GAS2L3: variants seen among roughly 807,000 people sequenced by gnomAD.
The protein encoded by GAS2L3 is growth arrest specific 2 like 3, also known as GAS2-like protein 3.
A neutral mutation model predicts 37.0 loss-of-function variants in GAS2L3; 28 were observed. That is an observed-to-expected ratio of 0.76 (90% confidence interval 0.56 to 1.04). The LOEUF is 1.04. Among genes scored for constraint, GAS2L3 ranks in the 50% least tolerant of loss-of-function variants. The probability of loss-of-function intolerance (pLI) is 0.00; values close to 1 mark genes in which losing one functional copy is unlikely to be tolerated. For synonymous variants in GAS2L3, 290 were observed against 296.6 expected (o/e 0.98, Z 0.23); for missense variants, 793 against 817.6 (o/e 0.97, Z 0.37).
At chr12:100,613,857 G>A (rs1197355128) in intron 6 of GAS2L3, among the ~76,000 whole-genome samples, 5 of 151,876 alleles carry the variant, frequency 3.3e-5, no homozygotes, top group African/African-American at 1.2e-4. Flanking sequence ...GCCTCCCAAA[G>A]TGCTGGGATT....
chr12:100,621,881 G>GC (rs1227033976), intron 8 of GAS2L3, among the ~76,000 whole-genome samples: 3 of 128,944 alleles, frequency 2.3e-5, no homozygotes, highest in East Asian at 2.6e-4. Context: ...GGGTGGGGGG[G>GC]GGAGAGAGAG....
chr12:100,608,842 G>A (rs1475030723), intron 5 of GAS2L3, among the ~76,000 whole-genome samples: 2 of 152,244 alleles, frequency 1.3e-5, no homozygotes, highest in East Asian at 1.9e-4. Context: ...TTTACCTGAT[G>A]TTCTGTTTTA....
At position 100,586,907 on chromosome 12, in the gene GAS2L3, A is replaced by G. The variant is rs370086498; in HGVS notation, c.-151-4829A>G. Among the ~76,000 whole-genome samples, 45 of 152,290 alleles carry G rather than the reference A, an allele frequency of 3.0e-4. 1 individual carries two copies. The highest frequency in any genetic ancestry group is 1.0e-3 in the African/African-American group (43 of 41,578). On this transcript the variant is annotated intron_variant, in intron 1 of 9. Transcript: ENST00000547754. Reference sequence around the variant, plus strand: ...AAAACAGGAGATATTACAACTGACAACACTGAAATATAAAAGATCATTCAA... The same window carrying G: ...AAAACAGGAGATATTACAACTGACAGCACTGAAATATAAAAGATCATTCAA...
chr12:100,597,668 T>G (rs1955930828), intron 3 of GAS2L3, among the ~76,000 whole-genome samples: 1 of 152,034 alleles, frequency 6.6e-6, no homozygotes, highest in East Asian at 1.9e-4. Flanking sequence ...TACCCCTGCA[T>G]GCTTCTTGAG....
intron 9 of GAS2L3, among the ~76,000 whole-genome samples, 153 bp from the exon 10 acceptor site, chr12:100,623,409 A>G (rs942572759): frequency 6.6e-6 from 1 of 152,198 alleles, no homozygotes; most frequent in African/African-American, 2.4e-5. Flanking sequence ...TATATTAATA[A>G]TACAAGAAAC....
At chr12:100,589,006 A>G (rs1401449309) in intron 1 of GAS2L3, among the ~76,000 whole-genome samples, 5 of 152,162 alleles carry the variant, frequency 3.3e-5, no homozygotes, top group African/African-American at 1.2e-4. Context: ...CAATTTGTAG[A>G]GTTAACACAA....
rs1956293655 is a variant in GAS2L3, at chr12:100,623,938, C to T, written c.1133C>T (p.Ala378Val). 6.2e-7 allele frequency: 1 copy of T among 1,613,982 alleles called. No individual in the cohort carries two copies. Among genetic ancestry groups the T allele is most frequent in the African/African-American group, 1.3e-5 (1 of 74,904 alleles). Residue 378 changes from alanine to valine, a missense_variant, in exon 10 of 10, where the codon GCA becomes GTA. Physicochemically the swap from Ala to Val is moderately conservative, Grantham distance 64. Coordinates refer to ENST00000547754, the MANE Select transcript of GAS2L3 (RefSeq NM_174942.3). ...CGTTCTAAATTGCCAAATTCTCCAGCAGCATCTTCTCATCCCAAGCTCAAG... is the reference window on the plus strand; with the variant it reads ...CGTTCTAAATTGCCAAATTCTCCAGTAGCATCTTCTCATCCCAAGCTCAAG... ...SVRSKLPNSPAASSHPKLKSS... is the reference protein window; with the variant it reads ...SVRSKLPNSPVASSHPKLKSS...
At chr12:100,580,479 A>T (rs1157044823) in intron 1 of GAS2L3, among the ~76,000 whole-genome samples, 2 of 152,184 alleles carry the variant, frequency 1.3e-5, no homozygotes, top group Non-Finnish European at 2.9e-5. Context: ...TGTAGCAGAG[A>T]TGTTTTAACA....
rs114360966 is a variant in GAS2L3 at position 100,617,004 on chromosome 12, G to C, written c.446-740G>C. On this transcript the variant is annotated intron_variant, in intron 6 of 9. Coordinates refer to ENST00000547754, the MANE Select transcript of GAS2L3 (RefSeq NM_174942.3). The stretch of plus-strand genomic sequence containing the variant: ...TGAGAAACTTTCTTTTTTCTTCCTA[G>C]TTTGTTCAGTCTTTTTTTTTTTTTA... Among the ~76,000 whole-genome samples, 909 of 150,178 alleles carry C rather than the reference G, an allele frequency of 6.1e-3. 5 individuals are homozygous for C. Among genetic ancestry groups the C allele is most frequent in the African/African-American group, 0.021 (855 of 40,972 alleles).
chr12:100,619,436 A>G (rs1005279617), intron 8 of GAS2L3, among the ~76,000 whole-genome samples: 2 of 152,126 alleles, frequency 1.3e-5, no homozygotes, highest in Non-Finnish European at 2.9e-5. Flanking sequence ...GGGGTTAAAT[A>G]TACAAAATTA....
chr12:100,596,464 T>A (rs1223702679), intron 3 of GAS2L3, among the ~76,000 whole-genome samples: 7 of 152,066 alleles, frequency 4.6e-5, no homozygotes, highest in African/African-American at 1.7e-4. Context: ...GATTCCAAGA[T>A]CTGTCTTTAC....
chr12:100,579,611 A>C (rs1955683937), intron 1 of GAS2L3: 1 of 774,938 alleles, frequency 1.3e-6, no homozygotes, highest in Admixed American at 1.7e-5. Flanking sequence ...TGGGAGCTTT[A>C]GAACACAAGA....
intron 1 of GAS2L3, among the ~76,000 whole-genome samples, chr12:100,586,934 G>A (rs1043233923): frequency 6.6e-6 from 1 of 152,034 alleles, no homozygotes; most frequent in Non-Finnish European, 1.5e-5. Context: ...ATCATTCAAG[G>A]CTACTATGAA....
intron 4 of GAS2L3, 82 bp downstream of exon 4, chr12:100,600,632 G>A: frequency 9.5e-7 from 1 of 1,054,526 alleles, no homozygotes; most frequent in Non-Finnish European, 1.4e-6. Flanking sequence ...GTCAAGGAGT[G>A]ATTGTTACAG....
chr12:100,621,882 G>GAGAGAGAGA (rs1490640473), intron 8 of GAS2L3, among the ~76,000 whole-genome samples: 1 of 81,256 alleles, frequency 1.2e-5, no homozygotes, highest in Admixed American at 1.4e-4. Context: ...GGTGGGGGGG[G>GAGAGAGAGA]GAGAGAGAGA....
chr12:100,614,402 G>A (rs140459566), intron 6 of GAS2L3, among the ~76,000 whole-genome samples: 1 of 152,114 alleles, frequency 6.6e-6, no homozygotes, highest in East Asian at 1.9e-4. Flanking sequence ...GGCAGAGGTT[G>A]CAGTGAGCCA....
In GAS2L3 at chr12:100,600,489, GCA is replaced by G. The variant is rs755573771; in HGVS notation, c.127_128del (p.His43Ter). Reference protein sequence around the residue: ...CQYDEWIAVRHEATLLPMQED... With the variant: ...CQYDEWIAVRXEATLLPMQED... ...AGTACGATGAGTGGATAGCTGTGAG[GCA>G]TGAAGCCACTTTGTTGCCCATGCAA... On this transcript the variant is annotated frameshift_variant, in exon 4 of 10. Transcript: ENST00000547754. LOFTEE classifies it high-confidence loss of function. 4 of 1,613,710 alleles carry G rather than the reference GCA, an allele frequency of 2.5e-6. No individual in the cohort carries two copies. The highest frequency in any genetic ancestry group is 2.5e-6 in the Non-Finnish European group (3 of 1,179,754).
At chr12:100,578,693 C>T (rs1438432530) in intron 1 of GAS2L3, 3 of 377,766 alleles carry the variant, frequency 7.9e-6, no homozygotes, top group African/African-American at 6.1e-5. Flanking sequence ...TAATAGAGGA[C>T]ACATCTCTTA....
At chr12:100,617,006 T>C (rs1956195627) in intron 6 of GAS2L3, among the ~76,000 whole-genome samples, 1 of 152,042 alleles carries the variant, frequency 6.6e-6, no homozygotes, top group Admixed American at 6.5e-5. Flanking sequence ...TCTTCCTAGT[T>C]TGTTCAGTCT....
Sources: allele counts gnomAD v4.1 joint callset (sites outside exome capture counted in the v4.1 genomes callset), GRCh38; gene constraint gnomAD v4.1.1; transcripts MANE v1.5; gene names NCBI Gene and HGNC (gene_info 2026-07-23, HGNC 2026-07-21).